The following TMEM175 variants were observed in gnomAD, a reference collection of about 807,000 sequenced individuals.
TMEM175 encodes transmembrane protein 175.
TMEM175 carries 36 observed loss-of-function variants against 36.5 expected under a neutral mutation model. The ratio of observed to expected loss-of-function variants is 0.99; its 90% CI spans 0.76 to 1.30. The LOEUF is 1.30. Ranked by LOEUF, TMEM175 falls within the 50% of genes most tolerant of loss-of-function variation. TMEM175 has a pLI of 0.00. For missense variants in TMEM175, 705 were observed against 692.8 expected (o/e 1.02, Z -0.20); for synonymous variants, 339 against 313.4 (o/e 1.08, Z -0.86).
In TMEM175 at chr4:947,767, G is replaced by T; in HGVS notation, c.28G>T (p.Ala10Ser). Reference protein sequence around the residue: MSQPRTPEQALDTPGDCPPG... With the variant: MSQPRTPEQSLDTPGDCPPG... ...GTCCCAGCCCCGGACCCCAGAGCAG[G>T]CACTGGATACACCGGGGGACTGCCC... The change falls in exon 2 of 11, where the codon GCA (alanine) becomes TCA (serine). Residue 10 changes from alanine (A) to serine (S), a missense_variant. Physicochemically the swap from Ala to Ser is moderately conservative, Grantham distance 99 (BLOSUM62 1). Coordinates refer to ENST00000264771, the MANE Select transcript of TMEM175 (RefSeq NM_032326.4). 4 of 1,612,160 alleles carry T rather than the reference G, an allele frequency of 2.5e-6. No homozygotes were observed. The highest frequency in any genetic ancestry group is 3.4e-6 in the Non-Finnish European group (4 of 1,179,518).
chr4:947,196 G>C (rs530789900), intron 1 of TMEM175, among the ~76,000 whole-genome samples: 6 of 147,270 alleles, frequency 4.1e-5, no homozygotes, highest in Non-Finnish European at 9.0e-5. Context: ...GAGGGAGAGC[G>C]CGGCCCCTGT....
rs146474628 is a variant in TMEM175 at position 950,665 on chromosome 4, C to T, written c.290+147C>T. On this transcript the variant is annotated intron_variant, in intron 4 of 10. Coordinates refer to ENST00000264771, the MANE Select transcript of TMEM175 (RefSeq NM_032326.4). ...CGCGTGGGGATGGCAGGACTTACCC[C>T]AAACCCAGGGCCTGGGACAGTGTGG... The T allele has an allele frequency of 1.7e-4, 79 of 471,610 alleles. No individual in the cohort carries two copies. In the African/African-American group the frequency reaches 2.4e-3, roughly 14 times the overall value. 29.2% of individuals were successfully genotyped at this position (471,610 alleles called of 1,614,324 possible). A position where few individuals can be genotyped will look rare whatever the true frequency, so the allele number is the denominator to read the frequency against.
intron 1 of TMEM175, among the ~76,000 whole-genome samples, chr4:946,521 C>A (rs1728160052): frequency 1.3e-5 from 2 of 152,078 alleles, no homozygotes; most frequent in Non-Finnish European, 2.9e-5. Flanking sequence ...TCCATAGTGC[C>A]TGGTTGGCAC....
chr4:958,055 C>G lies in TMEM175; in HGVS notation c.1074C>G (p.Ala358=), dbSNP rs774799775. Residue 358 remains alanine (A), a synonymous_variant, in exon 11 of 11, where the codon GCC becomes GCG. Coordinates refer to ENST00000264771, the MANE Select transcript of TMEM175 (RefSeq NM_032326.4). The part of the protein sequence containing the change: ...SLAFVGGLPL[A]YQQTSAFARQ... ...CCTTCGTGGGTGGCCTCCCACTAGC[C>G]TACCAGCAGACCTCGGCCTTCGCCC... 36 of 1,610,558 alleles carry G rather than the reference C, an allele frequency of 2.2e-5. No homozygotes were observed. In the East Asian group the frequency reaches 8.0e-4, roughly 36 times the overall value.
At chr4:951,861 C>G in intron 6 of TMEM175, 144 bp downstream of exon 6, 1 of 849,018 alleles carries the variant, frequency 1.2e-6, no homozygotes, top group Non-Finnish European at 1.9e-6. Flanking sequence ...GGAGAGCCAG[C>G]TGTTGGGCTG....
intron 8 of TMEM175, among the ~76,000 whole-genome samples, chr4:953,774 C>T (rs1420905422): frequency 6.6e-6 from 1 of 152,266 alleles, no homozygotes; most frequent in African/African-American, 2.4e-5. Flanking sequence ...CAGCCTCGAC[C>T]TCCCGGGCTC....
chr4:953,380 C>T (rs1295915533), intron 8 of TMEM175, 26 bp downstream of exon 8: 1 of 1,579,860 alleles, frequency 6.3e-7, no homozygotes, highest in East Asian at 2.3e-5. Context: ...GCCCGTGGGG[C>T]CCAGGCAGGA....
chr4:948,640 A>C, intron 3 of TMEM175: 2 of 1,250,716 alleles, frequency 1.6e-6, no homozygotes, highest in Non-Finnish European at 2.1e-6. Flanking sequence ...GTTTACAAGC[A>C]GAGTTTCCAC....
rs1303525004 is a variant in TMEM175 at position 945,147 on chromosome 4, T to TAGGCAGCCTGTCATGGCAGTCCCAGTG, written c.-31-2559_-31-2533dup. Reference sequence around the variant, plus strand: ...CTGCGTGTTGCCTCAGTGCAGACCCTAGGCAGCCTGTCATGGCAGTCCCAG... The same window carrying TAGGCAGCCTGTCATGGCAGTCCCAGTG: ...CTGCGTGTTGCCTCAGTGCAGACCCTAGGCAGCCTGTCATGGCAGTCCCAGTGAGGCAGCCTGTCATGGCAGTCCCAG... On this transcript the variant is annotated intron_variant, in intron 1 of 10. Transcript: ENST00000264771. Among the ~76,000 whole-genome samples the TAGGCAGCCTGTCATGGCAGTCCCAGTG allele has an allele frequency of 2.0e-3, 138 of 69,938 alleles. 1 individual carries two copies. The highest frequency in any genetic ancestry group is 4.8e-3 in the Admixed American group (40 of 8,266). The allele number at this position is 69,938 out of a possible 152,430, so 45.9% of individuals were successfully genotyped here. A position where few individuals can be genotyped will look rare whatever the true frequency, so the allele number is the denominator to read the frequency against.
chr4:952,204 T>G (rs1728976803), intron 6 of TMEM175, among the ~76,000 whole-genome samples, 163 bp from the exon 7 acceptor site: 1 of 152,114 alleles, frequency 6.6e-6, no homozygotes. Context: ...GGGGGCAGTT[T>G]GGACACATGC....
intron 8 of TMEM175, among the ~76,000 whole-genome samples, chr4:954,707 T>G (rs935110340): frequency 6.6e-6 from 1 of 152,178 alleles, no homozygotes; most frequent in African/African-American, 2.4e-5. Flanking sequence ...TTAAGTTTAA[T>G]TTTTTGAGGA....
At chr4:940,743 C>A (rs569595411) in intron 1 of TMEM175, among the ~76,000 whole-genome samples, 1 of 152,120 alleles carries the variant, frequency 6.6e-6, no homozygotes, top group South Asian at 2.1e-4. Flanking sequence ...CATGGTGGCT[C>A]ATGCCTGTAA....
rs1477390860 is a variant in TMEM175 at position 942,358 on chromosome 4, C to T, written c.-31-5351C>T. Among the ~76,000 whole-genome samples, 6 of 152,296 alleles carry T rather than the reference C, an allele frequency of 3.9e-5. No homozygotes were observed. In the Middle Eastern group the frequency reaches 0.01, roughly 259 times the overall value. On this transcript the variant is annotated intron_variant, in intron 1 of 10. Transcript: ENST00000264771. Reference sequence around the variant, plus strand: ...GGGATTTTGGGCATGAGCCACCATGCCCGGCCCGAATTCATTCTTTTGCAT... The same window carrying T: ...GGGATTTTGGGCATGAGCCACCATGTCCGGCCCGAATTCATTCTTTTGCAT...
chr4:956,669 C>A (rs976534870), intron 10 of TMEM175: 30 of 366,496 alleles, frequency 8.2e-5, no homozygotes, highest in Non-Finnish European at 1.4e-4. Flanking sequence ...GTCTTGAACT[C>A]CTGACCTCAG....
At chr4:947,944 A>T in intron 2 of TMEM175, 52 bp downstream of exon 2, 2 of 1,613,216 alleles carry the variant, frequency 1.2e-6, no homozygotes, top group South Asian at 2.2e-5. Flanking sequence ...CTCTCGAGGC[A>T]CTGCCCAGCC....
At chr4:957,664 C>T (rs1433052733) in intron 10 of TMEM175, among the ~76,000 whole-genome samples, 160 bp from the exon 11 acceptor site, 1 of 152,246 alleles carries the variant, frequency 6.6e-6, no homozygotes, top group African/African-American at 2.4e-5. Flanking sequence ...GCCAAATACA[C>T]ATAAATACGG....
At position 955,473 on chromosome 4, in the gene TMEM175, C is replaced by T. The variant is rs758806566; in HGVS notation, c.696C>T (p.Asp232=). 2 of 1,613,930 alleles carry T rather than the reference C, an allele frequency of 1.2e-6. No individual in the cohort carries two copies. The highest frequency in any genetic ancestry group is 1.7e-6 in the Non-Finnish European group (2 of 1,179,962). ...YVSKVTGWCR[D]RLLGHREPSA... ...GCAAGGTCACCGGCTGGTGCAGAGA[C>T]AGGCTCCTGGGTAGGTGATGACTGG... Residue 232 remains aspartate, a synonymous_variant, in exon 9 of 11, where the codon GAC becomes GAT. Coordinates refer to ENST00000264771, the MANE Select transcript of TMEM175 (RefSeq NM_032326.4).
chr4:955,828 C>T lies in TMEM175; in HGVS notation c.780C>T (p.Arg260=), dbSNP rs761384998. ...FDLHEPLSKE[R]VEAFSDGVYA... ...TCCACGAGCCACTCAGCAAGGAGCGCGTGGAAGCCTTCAGCGACGGAGTCT... is the reference window on the plus strand; with the variant it reads ...TCCACGAGCCACTCAGCAAGGAGCGTGTGGAAGCCTTCAGCGACGGAGTCT... Residue 260 remains arginine, a synonymous_variant, in exon 10 of 11, where the codon CGC becomes CGT. Transcript: ENST00000264771. 1.5e-5 allele frequency: 25 copies of T among 1,613,950 alleles called. No homozygotes were observed. Among genetic ancestry groups the T allele is most frequent in the Non-Finnish European group, 1.9e-5 (23 of 1,180,018 alleles).
chr4:950,975 G>A (rs369972009), intron 4 of TMEM175, among the ~76,000 whole-genome samples: 11 of 152,096 alleles, frequency 7.2e-5, no homozygotes, highest in East Asian at 1.9e-4. Flanking sequence ...TGCAGTAGGC[G>A]GAGGTGTGGG....
Sources: gnomAD v4.1 joint callset for allele counts (sites outside exome capture counted in the v4.1 genomes callset) on GRCh38, gnomAD v4.1.1 for gene constraint, MANE v1.5 for transcripts, NCBI Gene and HGNC (gene_info 2026-07-23, HGNC 2026-07-21) for gene names.